IL1RAPL1: variants seen among roughly 807,000 people sequenced by gnomAD.
The protein encoded by IL1RAPL1 is interleukin 1 receptor accessory protein like 1, also known as interleukin-1 receptor accessory protein-like 1.
Under a neutral mutation model 48.4 loss-of-function variants are expected in IL1RAPL1, and 3 were observed. The ratio of observed to expected loss-of-function variants is 0.06; its 90% confidence interval spans 0.03 to 0.16. IL1RAPL1 has a LOEUF of 0.16. Ranked by LOEUF, IL1RAPL1 falls within the 10% of genes least tolerant of loss-of-function variation. The pLI is 1.00. For synonymous variants in IL1RAPL1, 185 were observed against 187.7 expected (o/e 0.99, Z 0.12); for missense variants, 349 against 530.6 (o/e 0.66, Z 3.36).
At chrX:29,567,805 T>C (rs1922458724) in intron 5 of IL1RAPL1, among the ~76,000 whole-genome samples, 1 of 111,223 alleles carries the variant, frequency 9.0e-6, no homozygotes, top group African/African-American at 3.3e-5. Context: ...CATTTGTTCA[T>C]AGGTTATCAA....
chrX:28,974,934 A>G lies in IL1RAPL1; in HGVS notation c.82+185509A>G, dbSNP rs192433358. On this transcript the variant is annotated intron_variant, in intron 2 of 10. Transcript: ENST00000378993. Reference sequence around the variant, plus strand: ...GGCCTAAGGATATGTATAGATATAAATGGAATGTGCACACACATTTTAAAT... The same window carrying G: ...GGCCTAAGGATATGTATAGATATAAGTGGAATGTGCACACACATTTTAAAT... Among the ~76,000 whole-genome samples, 26 of 112,612 alleles carry G rather than the reference A, an allele frequency of 2.3e-4. No homozygotes were observed. The East Asian group carries it at 3.4e-3, about 15-fold the overall frequency.
chrX:29,501,562 G>A (rs1374786343), intron 5 of IL1RAPL1, among the ~76,000 whole-genome samples: 1 of 111,268 alleles, frequency 9.0e-6, no homozygotes, highest in Non-Finnish European at 1.9e-5. Context: ...GCTATTTATT[G>A]AAGAGACTCT....
intron 5 of IL1RAPL1, among the ~76,000 whole-genome samples, chrX:29,595,176 T>G (rs1424302578): frequency 8.9e-6 from 1 of 112,424 alleles, no homozygotes; most frequent in Non-Finnish European, 1.9e-5. Context: ...ATTTTGCAAT[T>G]GCAAATTGTG....
chrX:29,237,540 TATTC>T (rs1175598235), intron 2 of IL1RAPL1, among the ~76,000 whole-genome samples: 3 of 112,823 alleles, frequency 2.7e-5, no homozygotes, highest in South Asian at 7.3e-4. Flanking sequence ...TATTAATGTA[TATTC>T]CATGTGTTTG....
intron 3 of IL1RAPL1, among the ~76,000 whole-genome samples, chrX:29,307,569 A>G (rs1250340546): frequency 8.9e-6 from 1 of 112,299 alleles, no homozygotes; most frequent in African/African-American, 3.2e-5. Context: ...CATAAATGGG[A>G]AATGTAAGAA....
At chrX:29,515,946 A>C (rs961938183) in intron 5 of IL1RAPL1, among the ~76,000 whole-genome samples, 4 of 111,931 alleles carry the variant, frequency 3.6e-5, no homozygotes, top group Non-Finnish European at 7.5e-5. Context: ...TTGGCCTCGC[A>C]AAGTGCTGGG....
chrX:29,512,940 G>T (rs1935408437), intron 5 of IL1RAPL1, among the ~76,000 whole-genome samples: 1 of 111,739 alleles, frequency 8.9e-6, no homozygotes, highest in South Asian at 3.7e-4. Flanking sequence ...AATGACTCAT[G>T]AAAATATAAC....
intron 2 of IL1RAPL1, among the ~76,000 whole-genome samples, chrX:29,171,439 G>A (rs1929905314): frequency 9.0e-6 from 1 of 111,600 alleles, no homozygotes; most frequent in Admixed American, 9.6e-5. Context: ...CCCAGGAAGT[G>A]GTGAGGATGG....
chrX:28,936,267 A>G (rs760354967), intron 2 of IL1RAPL1, among the ~76,000 whole-genome samples: 4 of 111,148 alleles, frequency 3.6e-5, no homozygotes, highest in Non-Finnish European at 7.5e-5. Context: ...ATGGGAAAAA[A>G]TAGCATACAG....
chrX:29,938,903 G>A (rs748084571), intron 8 of IL1RAPL1, among the ~76,000 whole-genome samples: 62 of 112,136 alleles, frequency 5.5e-4, no homozygotes, highest in African/African-American at 1.5e-3. Flanking sequence ...CATGTTTTGC[G>A]TATCAGTAGT....
At chrX:29,339,303 C>G (rs1212831152) in intron 3 of IL1RAPL1, among the ~76,000 whole-genome samples, 1 of 111,679 alleles carries the variant, frequency 9.0e-6, no homozygotes, top group African/African-American at 3.3e-5. Flanking sequence ...AATTACTTCA[C>G]TGTAAACATA....
intron 6 of IL1RAPL1, among the ~76,000 whole-genome samples, chrX:29,853,343 G>GA (rs894919672): frequency 6.5e-5 from 7 of 108,056 alleles, no homozygotes; most frequent in Admixed American, 3.0e-4. Context: ...AAGAAAAAAA[G>GA]AAAAAAAAAT....
intron 6 of IL1RAPL1, among the ~76,000 whole-genome samples, chrX:29,916,356 G>A (rs1266398550): frequency 8.9e-6 from 1 of 112,021 alleles, no homozygotes; most frequent in African/African-American, 3.2e-5. Context: ...AACAGGTGCT[G>A]GAGAGGATGT....
chrX:29,954,972 T>C (rs983383376), intron 10 of IL1RAPL1, 130 bp from the exon 11 acceptor site: 27 of 600,415 alleles, frequency 4.5e-5, no homozygotes, highest in Non-Finnish European at 6.4e-5. Flanking sequence ...ATTGCTGACA[T>C]TAGGAGAAGC....
At position 29,874,820 on chromosome X, in the gene IL1RAPL1, T is replaced by C. The variant is rs753405831; in HGVS notation, c.779-42644T>C. The stretch of plus-strand genomic sequence containing the variant: ...ATCAACAGTAAAAGAGATACTGAGG[T>C]AGGTGCTATATGTATCTTCTGGATA... On this transcript the variant is annotated intron_variant, in intron 6 of 10. Transcript: ENST00000378993. Among the ~76,000 whole-genome samples, 7 of 112,391 alleles carry C rather than the reference T, an allele frequency of 6.2e-5. No individual in the cohort carries two copies. In the South Asian group the frequency reaches 2.2e-3, roughly 35 times the overall value.
At chrX:29,130,648 T>C (rs1019262820) in intron 2 of IL1RAPL1, among the ~76,000 whole-genome samples, 8 of 111,870 alleles carry the variant, frequency 7.2e-5, no homozygotes, top group African/African-American at 2.6e-4. Context: ...ATGGATCCTC[T>C]TGGACTAAGA....
chrX:29,116,576 G>A (rs193122334), intron 2 of IL1RAPL1, among the ~76,000 whole-genome samples: 99 of 111,755 alleles, frequency 8.9e-4, no homozygotes, highest in African/African-American at 3.2e-3. Context: ...AGAGAAAAGA[G>A]CTGCTTTCAG....
At chrX:29,257,503 T>G (rs1931777717) in intron 2 of IL1RAPL1, among the ~76,000 whole-genome samples, 1 of 111,750 alleles carries the variant, frequency 8.9e-6, no homozygotes, top group South Asian at 3.7e-4. Context: ...GTAGGAAAGA[T>G]CCTTTCATGC....
intron 6 of IL1RAPL1, among the ~76,000 whole-genome samples, chrX:29,895,329 T>A (rs1300827487): frequency 9.1e-6 from 1 of 109,913 alleles, no homozygotes; most frequent in East Asian, 2.9e-4. Context: ...GGCGGGTGGA[T>A]CACTTTAGGT....
Sources: gnomAD v4.1 joint callset for allele counts (sites outside exome capture counted in the v4.1 genomes callset) on GRCh38, gnomAD v4.1.1 for gene constraint, MANE v1.5 for transcripts, NCBI Gene and HGNC (gene_info 2026-07-23, HGNC 2026-07-21) for gene names.